The following MOB3B variants were observed in gnomAD, a reference collection of about 807,000 sequenced individuals.
The protein encoded by MOB3B is MOB kinase activator-like 2B.
Under a neutral mutation model 18.7 loss-of-function variants are expected in MOB3B, and 7 were observed. The observed-to-expected ratio is 0.37, with a 90% CI of 0.21 to 0.70. The LOEUF (loss-of-function observed/expected upper bound fraction) is 0.70. Among genes scored for constraint, MOB3B ranks in the 30% least tolerant of loss-of-function variants. The pLI is 0.52. For synonymous variants in MOB3B, 111 were observed against 99.9 expected (o/e 1.11, Z -0.66); for missense variants, 253 against 281.3 (o/e 0.90, Z 0.72).
At chr9:27,383,208 A>G (rs1181116454) in intron 2 of MOB3B, among the ~76,000 whole-genome samples, 1 of 152,174 alleles carries the variant, frequency 6.6e-6, no homozygotes, top group African/African-American at 2.4e-5. Context: ...CTTGGAGGTA[A>G]TAACAGAACC....
intron 2 of MOB3B, among the ~76,000 whole-genome samples, chr9:27,387,788 A>C (rs1821668353): frequency 6.6e-6 from 1 of 152,184 alleles, no homozygotes; most frequent in Non-Finnish European, 1.5e-5. Flanking sequence ...AGTCACCTTG[A>C]AAGACAGAAA....
intron 2 of MOB3B, among the ~76,000 whole-genome samples, chr9:27,444,286 G>GGAAGGAAGGAAGAAA (rs1822655465): frequency 4.0e-5 from 4 of 100,394 alleles, no homozygotes; most frequent in Admixed American, 9.6e-5. Flanking sequence ...GAGGGAGGGA[G>GGAAGGAAGGAAGAAA]GGAAGGAAGG....
At chr9:27,427,628 T>C (rs903862366) in intron 2 of MOB3B, among the ~76,000 whole-genome samples, 7 of 152,152 alleles carry the variant, frequency 4.6e-5, no homozygotes, top group African/African-American at 1.7e-4. Flanking sequence ...CATCTTCCCC[T>C]AGTTCAAATA....
intron 2 of MOB3B, among the ~76,000 whole-genome samples, chr9:27,391,054 T>C (rs1025759913): frequency 6.6e-6 from 1 of 152,146 alleles, no homozygotes; most frequent in African/African-American, 2.4e-5. Flanking sequence ...CTGAACAGAA[T>C]AAATCAGAAA....
intron 1 of MOB3B, among the ~76,000 whole-genome samples, chr9:27,490,741 C>T (rs556646794): frequency 9.2e-4 from 140 of 152,244 alleles, no homozygotes; most frequent in African/African-American, 2.9e-3. Flanking sequence ...TTGACTCTCA[C>T]TCCAGTGCTC....
chr9:27,483,267 G>A (rs957307109), intron 1 of MOB3B, among the ~76,000 whole-genome samples: 1 of 151,368 alleles, frequency 6.6e-6, no homozygotes, highest in African/African-American at 2.4e-5. Flanking sequence ...CGAGTAGCTG[G>A]GACTACAGGC....
At chr9:27,439,476 T>C (rs1822562748) in intron 2 of MOB3B, among the ~76,000 whole-genome samples, 2 of 152,144 alleles carry the variant, frequency 1.3e-5, no homozygotes. Flanking sequence ...TGTCTTACCT[T>C]ATTATGGGAG....
Position 27,400,760 on chromosome 9 carries a change from T to C in MOB3B, c.419-41524A>G, listed in dbSNP as rs561282138. Reference sequence around the variant, plus strand: ...ATGGCCACTGGCCTTTTATGATGGTTCTTCTAGTGTTACATTAAATGTTTA... The same window carrying C: ...ATGGCCACTGGCCTTTTATGATGGTCCTTCTAGTGTTACATTAAATGTTTA... On this transcript the variant is annotated intron_variant, in intron 2 of 3. Coordinates refer to ENST00000262244, the MANE Select transcript of MOB3B (RefSeq NM_024761.5). 1.6e-3 allele frequency among the ~76,000 whole-genome samples: 249 copies of C among 152,354 alleles called. 1 individual carries two copies. The highest frequency in any genetic ancestry group is 5.7e-3 in the African/African-American group (238 of 41,578).
At chr9:27,487,083 G>T (rs1011723117) in intron 1 of MOB3B, among the ~76,000 whole-genome samples, 1 of 151,486 alleles carries the variant, frequency 6.6e-6, no homozygotes, top group African/African-American at 2.4e-5. Flanking sequence ...GTGAGCCAAG[G>T]TCTCACCATT....
intron 3 of MOB3B, among the ~76,000 whole-genome samples, chr9:27,342,791 G>A (rs1820968890): frequency 6.6e-6 from 1 of 151,772 alleles, no homozygotes; most frequent in South Asian, 2.1e-4. Flanking sequence ...AGGCTGGAGT[G>A]CAGTGGCCTG....
intron 1 of MOB3B, among the ~76,000 whole-genome samples, chr9:27,506,938 G>T (rs775666152): frequency 6.7e-6 from 1 of 149,466 alleles, no homozygotes; most frequent in Non-Finnish European, 1.5e-5. Context: ...CCTTGGCCTC[G>T]CAAAGTGCTG....
intron 2 of MOB3B, among the ~76,000 whole-genome samples, chr9:27,437,670 T>C (rs2131429387): frequency 6.6e-6 from 1 of 152,348 alleles, no homozygotes; most frequent in East Asian, 1.9e-4. Context: ...AACTCACTGA[T>C]GCATTTTACA....
chr9:27,466,232 A>T (rs1819381492), intron 1 of MOB3B, among the ~76,000 whole-genome samples: 2 of 152,178 alleles, frequency 1.3e-5, no homozygotes, highest in Admixed American at 1.3e-4. Flanking sequence ...CTCAAGTTCA[A>T]AGTTCCACAA....
At chr9:27,342,509 T>C (rs561836720) in intron 3 of MOB3B, among the ~76,000 whole-genome samples, 298 of 150,876 alleles carry the variant, frequency 2.0e-3, no homozygotes, top group African/African-American at 6.9e-3. Flanking sequence ...GCCACCAAAG[T>C]TGTGAAAGCC....
At chr9:27,508,746 G>T (rs1587267323) in intron 1 of MOB3B, among the ~76,000 whole-genome samples, 1 of 152,256 alleles carries the variant, frequency 6.6e-6, no homozygotes, top group Non-Finnish European at 1.5e-5. Context: ...CCCAGACAGC[G>T]ATTTGTAGAC....
At chr9:27,417,414 A>G (rs1382799719) in intron 2 of MOB3B, among the ~76,000 whole-genome samples, 1 of 149,192 alleles carries the variant, frequency 6.7e-6, no homozygotes, top group Non-Finnish European at 1.5e-5. Flanking sequence ...CAAAACGTCA[A>G]ATGCCTGAAA....
chr9:27,466,030 T>C (rs185408042), intron 1 of MOB3B, among the ~76,000 whole-genome samples: 136 of 152,360 alleles, frequency 8.9e-4, no homozygotes, highest in African/African-American at 3.1e-3. Flanking sequence ...TCCTTGCTCC[T>C]TATGCAGCCG....
chr9:27,476,129 A>G (rs1214751633), intron 1 of MOB3B, among the ~76,000 whole-genome samples: 1 of 152,188 alleles, frequency 6.6e-6, no homozygotes, highest in Non-Finnish European at 1.5e-5. Flanking sequence ...CTCTATCCAC[A>G]GTGGCCTCCC....
At chr9:27,511,160 C>G (rs1196563078) in intron 1 of MOB3B, among the ~76,000 whole-genome samples, 1 of 151,018 alleles carries the variant, frequency 6.6e-6, no homozygotes, top group Non-Finnish European at 1.5e-5. Flanking sequence ...CTCAAAAAAG[C>G]TATTTTTGAG....
Sources: allele counts gnomAD v4.1 joint callset (sites outside exome capture counted in the v4.1 genomes callset), GRCh38; gene constraint gnomAD v4.1.1; transcripts MANE v1.5; gene names NCBI Gene and HGNC (gene_info 2026-07-23, HGNC 2026-07-21).